The following ADGRL3 variants were observed in gnomAD, a reference collection of about 807,000 sequenced individuals.
ADGRL3 encodes the protein calcium-independent alpha-latrotoxin receptor 3.
ADGRL3 carries 62 observed loss-of-function variants against 153.5 expected under a neutral mutation model. The observed-to-expected ratio is 0.40, with a 90% CI of 0.33 to 0.50. The LOEUF is 0.50. ADGRL3 is among the 20% of genes least tolerant of loss of function. The probability of loss-of-function intolerance (pLI) is 0.47; values close to 1 mark genes in which losing one functional copy is unlikely to be tolerated. For synonymous variants in ADGRL3, 710 were observed against 672.5 expected (o/e 1.06, Z -0.86); for missense variants, 1,641 against 1,859.4 (o/e 0.88, Z 2.16).
chr4:61,818,546 A>G (rs2148684453), intron 9 of ADGRL3, among the ~76,000 whole-genome samples: 1 of 152,306 alleles, frequency 6.6e-6, no homozygotes, highest in Admixed American at 6.5e-5. Context: ...AATATTCGTA[A>G]GAAATCTGGC....
chr4:61,591,883 C>A (rs1442764656), intron 5 of ADGRL3, among the ~76,000 whole-genome samples: 1 of 151,592 alleles, frequency 6.6e-6, no homozygotes, highest in Non-Finnish European at 1.5e-5. Context: ...TCAAGACCAG[C>A]CTGGATGTTT....
chr4:61,703,799 ACTT>A (rs1221198353), intron 6 of ADGRL3, among the ~76,000 whole-genome samples: 3 of 152,046 alleles, frequency 2.0e-5, no homozygotes, highest in African/African-American at 7.2e-5. Context: ...GCTATATGAT[ACTT>A]CTTTATATGT....
intron 6 of ADGRL3, among the ~76,000 whole-genome samples, chr4:61,708,698 A>T (rs922207414): frequency 1.3e-5 from 2 of 152,184 alleles, no homozygotes; most frequent in African/African-American, 4.8e-5. Flanking sequence ...TCAAAGAAGA[A>T]CATGGTATTT....
intron 1 of ADGRL3, among the ~76,000 whole-genome samples, chr4:61,243,961 G>T (rs1440880763): frequency 6.6e-6 from 1 of 151,916 alleles, no homozygotes; most frequent in African/African-American, 2.4e-5. Context: ...TTAGATTTAA[G>T]AAACGTTTCT....
In ADGRL3 at chr4:62,030,165, A is replaced by G. The variant is rs1316976605; in HGVS notation, c.3423-1277A>G. ...AATTATTTTTAATAAGACTTTAATA[A>G]TTAACTACTTTGGGACCATATCTTT... On this transcript the variant is annotated intron_variant, in intron 22 of 26. Coordinates refer to ENST00000683033, the MANE Select transcript of ADGRL3 (RefSeq NM_001387552.1). Among the ~76,000 whole-genome samples, 3 of 151,768 alleles carry G rather than the reference A, an allele frequency of 2.0e-5. 1 individual carries two copies. The highest frequency in any genetic ancestry group is 4.1e-4 in the South Asian group (2 of 4,826).
At chr4:61,506,288 T>C (rs1055392860) in intron 3 of ADGRL3, among the ~76,000 whole-genome samples, 2 of 152,096 alleles carry the variant, frequency 1.3e-5, no homozygotes, top group African/African-American at 4.8e-5. Flanking sequence ...CTTTAGGAAT[T>C]AGAACCAAAA....
intron 1 of ADGRL3, among the ~76,000 whole-genome samples, chr4:61,310,638 T>C (rs972409238): frequency 2.6e-5 from 4 of 152,178 alleles, no homozygotes; most frequent in Non-Finnish European, 2.9e-5. Context: ...CCTTTGAGCT[T>C]TTATTTGGAA....
Position 61,728,221 on chromosome 4 carries a change from A to G in ADGRL3, c.584-2401A>G, listed in dbSNP as rs186336039. On this transcript the variant is annotated intron_variant, in intron 6 of 26. Transcript: ENST00000683033. ...AGCTACAGCCAGTCATGACATGGGC[A>G]AGATCATAATAATTTTCTCCAAAGC... Among the ~76,000 whole-genome samples, 62 of 152,186 alleles carry G rather than the reference A, an allele frequency of 4.1e-4. 2 individuals carry two copies. The East Asian group carries it at 0.01, about 25-fold the overall frequency.
At chr4:61,562,649 C>G (rs1443696234) in intron 4 of ADGRL3, among the ~76,000 whole-genome samples, 1 of 152,162 alleles carries the variant, frequency 6.6e-6, no homozygotes, top group Non-Finnish European at 1.5e-5. Flanking sequence ...ATTGCAGCAG[C>G]TCAGTCACAT....
chr4:61,398,037 A>G (rs1451241041), intron 2 of ADGRL3, among the ~76,000 whole-genome samples: 2 of 151,880 alleles, frequency 1.3e-5, no homozygotes, highest in African/African-American at 4.8e-5. Flanking sequence ...TCACTAGGCT[A>G]GACTCTGAGT....
At chr4:61,748,246 G>T (rs977112402) in intron 8 of ADGRL3, among the ~76,000 whole-genome samples, 1 of 152,120 alleles carries the variant, frequency 6.6e-6, no homozygotes. Context: ...ATGCTCATGG[G>T]TAGGAAGAAT....
At chr4:61,418,310 T>C (rs2097166743) in intron 2 of ADGRL3, among the ~76,000 whole-genome samples, 1 of 152,200 alleles carries the variant, frequency 6.6e-6, no homozygotes, top group Non-Finnish European at 1.5e-5. Flanking sequence ...TGGAGTTCTG[T>C]TAAGGGAGAA....
rs1381833419 is a variant in ADGRL3 at position 61,792,363 on chromosome 4, C to T, written c.1400-21446C>T. ...TTGCTCCAATTCCCAACAAGTTCTT[C>T]ATCTCCATCTGAGACCACTTTAACC... On this transcript the variant is annotated intron_variant, in intron 8 of 26. Transcript: ENST00000683033. Among the ~76,000 whole-genome samples the T allele has an allele frequency of 2.6e-5, 4 of 152,200 alleles. No homozygotes were observed. In the East Asian group the frequency reaches 7.7e-4, roughly 29 times the overall value.
intron 18 of ADGRL3, among the ~76,000 whole-genome samples, chr4:61,981,603 A>G (rs886917149): frequency 1.3e-5 from 2 of 152,166 alleles, no homozygotes; most frequent in African/African-American, 2.4e-5. Context: ...TAAATAATAG[A>G]CAATATCTTC....
At chr4:62,034,147 G>T (rs1234434598) in intron 23 of ADGRL3, among the ~76,000 whole-genome samples, 2 of 151,586 alleles carry the variant, frequency 1.3e-5, no homozygotes, top group African/African-American at 4.8e-5. Context: ...GTTCAATTTT[G>T]TGATTCATTA....
At chr4:61,658,199 A>G (rs2094494519) in intron 5 of ADGRL3, among the ~76,000 whole-genome samples, 1 of 151,992 alleles carries the variant, frequency 6.6e-6, no homozygotes, top group Non-Finnish European at 1.5e-5. Flanking sequence ...AGACTTGCCA[A>G]TTTTCCACCT....
intron 1 of ADGRL3, among the ~76,000 whole-genome samples, chr4:61,320,871 AT>A (rs1282122252): frequency 2.0e-5 from 3 of 152,142 alleles, no homozygotes; most frequent in Admixed American, 2.0e-4. Flanking sequence ...TAAAACCAAG[AT>A]GTTTTCAGGG....
At position 61,895,850 on chromosome 4, in the gene ADGRL3, G is replaced by C; in HGVS notation, c.1887+16G>C. ...AACACAGAAGGTAAATCTTGTGACT[G>C]ACAAGAAAGTCTTTGCTAAAACTAT... On this transcript the variant is annotated intron_variant, in intron 11 of 26. Transcript: ENST00000683033. 2 of 1,415,996 alleles carry C rather than the reference G, an allele frequency of 1.4e-6. No individual in the cohort carries two copies. Among genetic ancestry groups the C allele is most frequent in the Non-Finnish European group, 2.0e-6 (2 of 1,022,852 alleles). 87.7% of individuals were successfully genotyped at this position (1,415,996 alleles called of 1,614,324 possible).
Position 61,679,579 on chromosome 4 carries a change from T to C in ADGRL3, c.583+2644T>C, listed in dbSNP as rs1212722587. Among the ~76,000 whole-genome samples, 3 of 152,222 alleles carry C rather than the reference T, an allele frequency of 2.0e-5. No homozygotes were observed. The East Asian group carries it at 5.8e-4, about 29-fold the overall frequency. Reference sequence around the variant, plus strand: ...CTTATTTAAAATAGTTATAGTTTATTGACACTTAACCACATGCCATTTTCT... The same window carrying C: ...CTTATTTAAAATAGTTATAGTTTATCGACACTTAACCACATGCCATTTTCT... On this transcript the variant is annotated intron_variant, in intron 6 of 26. Transcript: ENST00000683033.
Sources: allele counts gnomAD v4.1 joint callset (sites outside exome capture counted in the v4.1 genomes callset), GRCh38; gene constraint gnomAD v4.1.1; transcripts MANE v1.5; gene names NCBI Gene and HGNC (gene_info 2026-07-23, HGNC 2026-07-21).